The following CNN3 variants were observed in gnomAD, a reference collection of about 807,000 sequenced individuals.
The protein encoded by CNN3 is calponin 3.
Under a neutral mutation model 39.0 loss-of-function variants are expected in CNN3, and 11 were observed. The ratio of observed to expected loss-of-function variants is 0.28; its 90% confidence interval spans 0.18 to 0.47. The LOEUF is 0.47. Among genes scored for constraint, CNN3 ranks in the 20% least tolerant of loss-of-function variants. CNN3 has a pLI of 0.99. For synonymous variants in CNN3, 101 were observed against 138.3 expected (o/e 0.73, Z 1.89); for missense variants, 266 against 403.4 (o/e 0.66, Z 2.92).
intron 1 of CNN3, among the ~76,000 whole-genome samples, chr1:94,923,994 C>T (rs1257591344): frequency 6.6e-6 from 1 of 152,128 alleles, no homozygotes; most frequent in Non-Finnish European, 1.5e-5. Flanking sequence ...ATATGCTAGA[C>T]TCCCAGGTCC....
chr1:94,922,172 T>A (rs538163780), intron 1 of CNN3, among the ~76,000 whole-genome samples: 1 of 152,340 alleles, frequency 6.6e-6, no homozygotes, highest in East Asian at 1.9e-4. Flanking sequence ...CCCAGTGCTT[T>A]AACAGGCCAA....
intron 1 of CNN3, among the ~76,000 whole-genome samples, chr1:94,922,687 G>T (rs909508482): frequency 6.6e-6 from 1 of 152,174 alleles, no homozygotes; most frequent in Non-Finnish European, 1.5e-5. Context: ...GTCACCCTGG[G>T]TTACTCTGAT....
intron 1 of CNN3, among the ~76,000 whole-genome samples, chr1:94,908,896 C>T (rs142516436): frequency 6.7e-6 from 1 of 150,258 alleles, no homozygotes; most frequent in African/African-American, 2.5e-5. Flanking sequence ...TGTAATCCTG[C>T]AACTTTGGGA....
rs186323378 is a variant in CNN3 at position 94,900,874 on chromosome 1, T to C, written c.501+795A>G. 7.8e-4 allele frequency among the ~76,000 whole-genome samples: 119 copies of C among 152,310 alleles called. 1 individual carries two copies. Among genetic ancestry groups the C allele is most frequent in the African/African-American group, 2.7e-3 (112 of 41,576 alleles). Reference sequence around the variant, plus strand: ...GTACTGTAAATAAGTGACTTTGGCATTAAGGTCGTGTAAAATTGCCTAATT... The same window carrying C: ...GTACTGTAAATAAGTGACTTTGGCACTAAGGTCGTGTAAAATTGCCTAATT... On this transcript the variant is annotated intron_variant, in intron 5 of 6. Transcript: ENST00000370206.
At chr1:94,903,070 A>C (rs898780975) in intron 3 of CNN3, 52 bp downstream of exon 3, 2 of 1,353,616 alleles carry the variant, frequency 1.5e-6, no homozygotes, top group Non-Finnish European at 2.0e-6. Flanking sequence ...TCAAGTTTTC[A>C]CTACATAAAA....
At chr1:94,905,944 A>C (rs1652923537) in intron 1 of CNN3, among the ~76,000 whole-genome samples, 1 of 152,170 alleles carries the variant, frequency 6.6e-6, no homozygotes, top group African/African-American at 2.4e-5. Flanking sequence ...TTTTTATGGC[A>C]CTTTTAGAAA....
At chr1:94,925,706 C>A (rs1191412291) in intron 1 of CNN3, 1 of 985,386 alleles carries the variant, frequency 1.0e-6, no homozygotes, top group African/African-American at 1.7e-5. Flanking sequence ...ATGCCAGTGC[C>A]TTCCACCAGC....
chr1:94,898,070 G>A lies in CNN3; in HGVS notation c.662C>T (p.Ala221Val). 6.2e-7 allele frequency: 1 copy of A among 1,613,596 alleles called. No individual in the cohort carries two copies. Among genetic ancestry groups the A allele is most frequent in the Non-Finnish European group, 8.5e-7 (1 of 1,179,694 alleles). ...ATAGATGTCTCTTCTGGTACCTGGT[G>A]CTAACATCCCTGCCTGGTATTAGAA... ...NKGASQAGML[A>V]PGTRRDIYDQ... is the part of the protein sequence containing the mutation. The change falls in exon 7 of 7, where the codon GCA becomes GTA. Residue 221 changes from alanine to valine, a missense_variant. Ala to Val is a moderately conservative substitution (Grantham distance 64). Transcript: ENST00000370206.
At chr1:94,902,402 G>T in intron 3 of CNN3, 144 bp from the exon 4 acceptor site, 2 of 647,426 alleles carry the variant, frequency 3.1e-6, no homozygotes, top group Non-Finnish European at 5.3e-6. Context: ...TACTAAGCAT[G>T]GCTCTCTCTG....
Position 94,927,071 on chromosome 1 carries a change from G to A in CNN3, c.-177C>T, listed in dbSNP as rs534865708. 27 of 595,096 alleles carry A rather than the reference G, an allele frequency of 4.5e-5. No individual in the cohort carries two copies. The East Asian group carries it at 8.3e-4, about 18-fold the overall frequency. 36.9% of individuals were successfully genotyped at this position (595,096 alleles called of 1,614,324 possible). ...TGCCTGGGCGACTGGGTCCAACTGG[G>A]TGCTACAGAGCCTCGAGCTCCGCTG... is the stretch of plus-strand genomic sequence containing the variant. On this transcript the variant is annotated 5_prime_UTR_variant, in exon 1 of 7. Coordinates refer to ENST00000370206, the MANE Select transcript of CNN3 (RefSeq NM_001839.5).
intron 1 of CNN3, among the ~76,000 whole-genome samples, chr1:94,912,869 C>G (rs864553): frequency 0.8 from 122,369 of 152,168 alleles, 49,720 homozygotes; most frequent in Middle Eastern, 0.86. Context: ...TTATGTCTAG[C>G]GCACTCCTGA....
At chr1:94,901,948 G>A (rs1670879104) in intron 4 of CNN3, 163 bp from the exon 5 acceptor site, 1 of 715,354 alleles carries the variant, frequency 1.4e-6, no homozygotes, top group Admixed American at 2.6e-5. Context: ...AGTGTTCTAA[G>A]TAAGCTATCT....
intron 5 of CNN3, among the ~76,000 whole-genome samples, chr1:94,901,388 G>T: frequency 1.4e-5 from 2 of 143,788 alleles, no homozygotes; most frequent in Admixed American, 7.0e-5. Flanking sequence ...ATTTAAAAGT[G>T]TATTTTTCTT....
chr1:94,903,262 C>A, intron 2 of CNN3, 74 bp from the exon 3 acceptor site: 1 of 1,577,756 alleles, frequency 6.3e-7, no homozygotes, highest in South Asian at 1.2e-5. Context: ...AAGTTGCTCC[C>A]TTTAGCATCA....
At chr1:94,925,622 C>T (rs989401468) in intron 1 of CNN3, 6 of 985,270 alleles carry the variant, frequency 6.1e-6, no homozygotes, top group Admixed American at 6.2e-5. Context: ...GACAACGGTG[C>T]GCTTCATTAC....
intron 1 of CNN3, among the ~76,000 whole-genome samples, chr1:94,917,568 T>C (rs1671319479): frequency 6.6e-6 from 1 of 152,188 alleles, no homozygotes; most frequent in Non-Finnish European, 1.5e-5. Context: ...AACTAATTTT[T>C]TTGGAGAGCA....
At chr1:94,916,314 G>A (rs1435719677) in intron 1 of CNN3, among the ~76,000 whole-genome samples, 1 of 152,152 alleles carries the variant, frequency 6.6e-6, no homozygotes, top group Non-Finnish European at 1.5e-5. Flanking sequence ...GCTGAGGCAG[G>A]AGGATTGCTT....
In CNN3 at chr1:94,926,727, T is replaced by TC; in HGVS notation, c.57+110dup. ...ACGCTCGCGCCGCCTCGACGGCCCCTCTCCAGGAAAACGGTGAGCCACAGC... is the reference window on the plus strand; with the variant it reads ...ACGCTCGCGCCGCCTCGACGGCCCCTCCTCCAGGAAAACGGTGAGCCACAGC... On this transcript the variant is annotated intron_variant, in intron 1 of 6. Coordinates refer to ENST00000370206, the MANE Select transcript of CNN3 (RefSeq NM_001839.5). The surrounding 1 kb of genome is among the most constrained non-coding windows in gnomAD (Gnocchi z 4.2). 8.0e-7 allele frequency: 1 copy of TC among 1,246,962 alleles called. No homozygotes were observed. The highest frequency in any genetic ancestry group is 1.3e-5 in the South Asian group (1 of 77,160). The allele number at this position is 1,246,962 out of a possible 1,614,324, so 77.2% of individuals were successfully genotyped here. A position where few individuals can be genotyped will look rare whatever the true frequency, so the allele number is the denominator to read the frequency against.
At chr1:94,909,220 C>T (rs1027549725) in intron 1 of CNN3, among the ~76,000 whole-genome samples, 10 of 152,138 alleles carry the variant, frequency 6.6e-5, no homozygotes, top group South Asian at 2.1e-4. Context: ...GGTGGTGTCC[C>T]AAAGAGGTGA....
Sources: gnomAD v4.1 joint callset for allele counts (sites outside exome capture counted in the v4.1 genomes callset) on GRCh38, gnomAD v4.1.1 for gene constraint, Gnocchi (gnomAD v3.1) non-coding constraint, MANE v1.5 for transcripts, NCBI Gene and HGNC (gene_info 2026-07-23, HGNC 2026-07-21) for gene names.